The following SLC6A17 variants were observed in gnomAD, a reference collection of about 807,000 sequenced individuals.
SLC6A17 encodes solute carrier family 6 member 17, also known as sodium-dependent neutral amino acid transporter SLC6A17.
In SLC6A17, 21 loss-of-function variants were observed where a neutral mutation model predicts 64.5. The ratio of observed to expected loss-of-function variants is 0.33; its 90% CI spans 0.23 to 0.47. The LOEUF (loss-of-function observed/expected upper bound fraction) is 0.47, where lower values mean the gene tolerates loss of function less well. Ranked by LOEUF, SLC6A17 falls within the 20% of genes least tolerant of loss-of-function variation. The pLI, the probability that SLC6A17 is intolerant of heterozygous loss-of-function variation, is 1.00. For synonymous variants in SLC6A17, 372 were observed against 399.5 expected (o/e 0.93, Z 0.82); for missense variants, 682 against 963.2 (o/e 0.71, Z 3.86).
intron 1 of SLC6A17, among the ~76,000 whole-genome samples, chr1:110,152,372 G>T (rs535623356): frequency 6.6e-6 from 1 of 152,340 alleles, no homozygotes; most frequent in East Asian, 1.9e-4. Context: ...GTGCCCACCA[G>T]CTCTGATTGG....
intron 6 of SLC6A17, among the ~76,000 whole-genome samples, chr1:110,187,683 G>A (rs776392329): frequency 6.6e-6 from 1 of 152,210 alleles, no homozygotes; most frequent in South Asian, 2.1e-4. Context: ...TAGGAGAAGC[G>A]CCCAGGCTCC....
At chr1:110,162,940 C>CAGGTGGCT (rs1655955893) in intron 1 of SLC6A17, among the ~76,000 whole-genome samples, 1 of 150,328 alleles carries the variant, frequency 6.7e-6, no homozygotes, top group South Asian at 2.1e-4. Context: ...TTGCCCAGGC[C>CAGGTGGCT]AGGTGGCTGG....
intron 6 of SLC6A17, among the ~76,000 whole-genome samples, chr1:110,186,976 G>A (rs755131758): frequency 6.6e-6 from 1 of 152,220 alleles, no homozygotes; most frequent in Non-Finnish European, 1.5e-5. Flanking sequence ...GGCCAGAGGT[G>A]TGCTTTTGAA....
chr1:110,157,851 T>C (rs1420822114), intron 1 of SLC6A17, among the ~76,000 whole-genome samples: 1 of 152,148 alleles, frequency 6.6e-6, no homozygotes, highest in African/African-American at 2.4e-5. Context: ...CATTTGCACT[T>C]TCTGTTCCCT....
intron 11 of SLC6A17, 73 bp downstream of exon 11, chr1:110,197,672 T>C (rs939443901): frequency 1.2e-5 from 17 of 1,462,748 alleles, no homozygotes; most frequent in Non-Finnish European, 1.4e-5. Flanking sequence ...CTGATAGGGA[T>C]ACACCTTTCT....
intron 6 of SLC6A17, among the ~76,000 whole-genome samples, chr1:110,184,047 G>T (rs2100939345): frequency 1.3e-5 from 2 of 152,290 alleles, no homozygotes. Context: ...TTTCACATTT[G>T]AACATCTCTG....
chr1:110,163,065 A>T (rs977024343), intron 1 of SLC6A17, among the ~76,000 whole-genome samples: 2 of 151,384 alleles, frequency 1.3e-5, no homozygotes, highest in Admixed American at 6.6e-5. Flanking sequence ...GTCTCAAGCT[A>T]TTCCAAACAT....
At position 110,192,757 on chromosome 1, in the gene SLC6A17, G is replaced by A. The variant is rs528709635; in HGVS notation, c.1299+59G>A. 1.8e-5 allele frequency: 28 copies of A among 1,542,474 alleles called. No individual in the cohort carries two copies. In the East Asian group the frequency reaches 2.3e-4, roughly 13 times the overall value. ...AGGAACCCAGAGAGCAGCTGTGGCCGGCGGGAGCTTGGGCTCAGGCCTCAG... is the reference window on the plus strand; with the variant it reads ...AGGAACCCAGAGAGCAGCTGTGGCCAGCGGGAGCTTGGGCTCAGGCCTCAG... On this transcript the variant is annotated intron_variant, in intron 8 of 11. Coordinates refer to ENST00000331565, the MANE Select transcript of SLC6A17 (RefSeq NM_001010898.4). The surrounding 1 kb of genome is among the most constrained non-coding windows in gnomAD (Gnocchi z 4.3).
intron 2 of SLC6A17, chr1:110,168,110 C>A (rs1169570583): frequency 6.6e-6 from 1 of 152,214 alleles, no homozygotes; most frequent in African/African-American, 2.4e-5. Context: ...ATAAAGAAAA[C>A]CCCAATAGGC....
intron 3 of SLC6A17, among the ~76,000 whole-genome samples, chr1:110,172,731 C>T (rs1303455263): frequency 3.3e-5 from 5 of 152,150 alleles, no homozygotes; most frequent in African/African-American, 1.2e-4. Context: ...TAAGGTCAAC[C>T]CAAGGTGGGT....
At position 110,194,742 on chromosome 1, in the gene SLC6A17, C is replaced by T. The variant is rs1656916634; in HGVS notation, c.1463C>T (p.Thr488Ile). Residue 488 changes from threonine to isoleucine, a missense_variant, in exon 9 of 12, where the codon ACC (threonine) becomes ATC (isoleucine). Around this residue, in one of 3 missense-constraint regions of SLC6A17, gnomAD observed 264 missense variants for 339.5 expected, o/e 0.78. Coordinates refer to ENST00000331565, the MANE Select transcript of SLC6A17 (RefSeq NM_001010898.4). ...MAGITTPIID[T>I]FKVPKEMFTV... is the part of the protein sequence containing the mutation. ...GGCATCACCACGCCCATCATCGACA[C>T]CTTCAAGGTGCCCAAGGAGATGTTC... 6.2e-7 allele frequency: 1 copy of T among 1,613,916 alleles called. No individual in the cohort carries two copies. The highest frequency in any genetic ancestry group is 1.7e-5 in the Admixed American group (1 of 60,014).
chr1:110,190,321 A>T (rs1325162914), intron 6 of SLC6A17, among the ~76,000 whole-genome samples: 1 of 152,116 alleles, frequency 6.6e-6, no homozygotes, highest in African/African-American at 2.4e-5. Context: ...CTGTCTGACC[A>T]GGCAGTCCTC....
intron 6 of SLC6A17, among the ~76,000 whole-genome samples, chr1:110,182,569 G>T (rs1656559868): frequency 6.6e-6 from 1 of 151,956 alleles, no homozygotes; most frequent in Admixed American, 6.6e-5. Context: ...TTTAGAGGCT[G>T]AGGGCGGGAT....
chr1:110,158,496 G>T (rs1178705304), intron 1 of SLC6A17, among the ~76,000 whole-genome samples: 1 of 152,234 alleles, frequency 6.6e-6, no homozygotes, highest in Non-Finnish European at 1.5e-5. Flanking sequence ...CTCACATGAA[G>T]GTGGTAGCTG....
At chr1:110,196,632 G>A (rs1656977197) in intron 10 of SLC6A17, among the ~76,000 whole-genome samples, 2 of 152,202 alleles carry the variant, frequency 1.3e-5, no homozygotes. Context: ...AAGATAAAAT[G>A]TGTAGGGTTA....
chr1:110,173,788 TGAATGGA>T lies in SLC6A17; in HGVS notation c.445-183_445-177del, dbSNP rs201111096. On this transcript the variant is annotated intron_variant, in intron 3 of 11. Transcript: ENST00000331565. ...CTTTGTGGATTTCCTGAATACCAGA[TGAATGGA>T]GCGTGAATGGAGCGTGAGGGGAGCT... is the stretch of plus-strand genomic sequence containing the variant. Among the ~76,000 whole-genome samples the T allele has an allele frequency of 7.7e-3, 446 of 58,020 alleles. 4 individuals carry two copies. Among genetic ancestry groups the T allele is most frequent in the East Asian group, 0.06 (196 of 3,252 alleles). The allele number at this position is 58,020 out of a possible 152,430, so 38.1% of individuals were successfully genotyped here.
intron 1 of SLC6A17, among the ~76,000 whole-genome samples, chr1:110,154,330 T>C (rs560909046): frequency 3.3e-5 from 5 of 152,230 alleles, no homozygotes; most frequent in Non-Finnish European, 5.9e-5. Context: ...CCAAACTTCA[T>C]GTTCCTAACC....
rs1186836283 is a variant in SLC6A17, at chr1:110,194,570, C to T, written c.1300-9C>T. On this transcript the variant is annotated splice_polypyrimidine_tract_variant and intron_variant, in intron 8 of 11. Coordinates refer to ENST00000331565, the MANE Select transcript of SLC6A17 (RefSeq NM_001010898.4). ...ACCTCACAGGCCCTGCTTTCCACCCCACCTTCAGTCCGTGCAGGGCACAGG... is the reference window on the plus strand; with the variant it reads ...ACCTCACAGGCCCTGCTTTCCACCCTACCTTCAGTCCGTGCAGGGCACAGG... 3 of 1,610,880 alleles carry T rather than the reference C, an allele frequency of 1.9e-6. No individual in the cohort carries two copies. Among genetic ancestry groups the T allele is most frequent in the Non-Finnish European group, 2.5e-6 (3 of 1,177,344 alleles).
chr1:110,167,045 A>C lies in SLC6A17; in HGVS notation c.116A>C (p.Asn39Thr). Residue 39 changes from asparagine (N) to threonine (T), a missense_variant, in exon 2 of 12, where the codon AAT (asparagine) becomes ACT (threonine). Asn to Thr is a moderately conservative substitution (Grantham distance 65, BLOSUM62 0). This residue lies in a region of SLC6A17 where 415 missense variants were observed against 603.8 expected (regional missense o/e 0.69). Coordinates refer to ENST00000331565, the MANE Select transcript of SLC6A17 (RefSeq NM_001010898.4). ...EPVDYKQSVL[N>T]VAGEAGGKQK... is the part of the protein sequence containing the mutation. ...GTGGACTATAAGCAGAGTGTACTGA[A>C]TGTGGCTGGTGAGGCAGGCGGCAAG... 6.2e-7 allele frequency: 1 copy of C among 1,612,454 alleles called. No homozygotes were observed. Among genetic ancestry groups the C allele is most frequent in the Non-Finnish European group, 8.5e-7 (1 of 1,179,428 alleles).
Sources: gnomAD v4.1 joint callset for allele counts (sites outside exome capture counted in the v4.1 genomes callset) on GRCh38, gnomAD v4.1.1 for gene constraint, gnomAD v4.1.1 regional missense constraint, Gnocchi (gnomAD v3.1) non-coding constraint, MANE v1.5 for transcripts, NCBI Gene and HGNC (gene_info 2026-07-23, HGNC 2026-07-21) for gene names.